The following MTA3 variants were observed in gnomAD, a reference collection of about 807,000 sequenced individuals.
The protein encoded by MTA3 is metastasis-associated protein MTA3.
Under a neutral mutation model 83.5 loss-of-function variants are expected in MTA3, and 34 were observed. The observed-to-expected ratio is 0.41, with a 90% CI of 0.31 to 0.54. The LOEUF is 0.54. Ranked by LOEUF, MTA3 falls within the 20% of genes least tolerant of loss-of-function variation. The pLI is 0.33. For missense variants in MTA3, 761 were observed against 726.4 expected (o/e 1.05, Z -0.55); for synonymous variants, 303 against 252.7 (o/e 1.20, Z -1.89).
rs1435928523 is a variant in MTA3 at position 42,579,142 on chromosome 2, C to T, written c.132C>T (p.Cys44=). 6.2e-7 allele frequency: 1 copy of T among 1,608,222 alleles called. No individual in the cohort carries two copies. Among genetic ancestry groups the T allele is most frequent in the Non-Finnish European group, 8.5e-7 (1 of 1,177,528 alleles). ...ASGNVEAKVV[C]FYRRRDISNT... ...GCAACGTGGAAGCAAAAGTAGTATGCTTTTATAGACGACGTGATATTTCCA... is the reference window on the plus strand; with the variant it reads ...GCAACGTGGAAGCAAAAGTAGTATGTTTTTATAGACGACGTGATATTTCCA... The change falls in exon 3 of 17, where the codon TGC becomes TGT. Residue 44 remains cysteine (C), a synonymous_variant. Transcript: ENST00000405094.
chr2:42,546,406 G>C (rs2103759538), intron 2 of MTA3, among the ~76,000 whole-genome samples: 1 of 152,240 alleles, frequency 6.6e-6, no homozygotes, highest in South Asian at 2.1e-4. Context: ...CTGACCCTGA[G>C]TGTCCCTGGA....
chr2:42,744,602 TTGAGAGCTAGGTC>T (rs964325876), intron 16 of MTA3, among the ~76,000 whole-genome samples: 8 of 151,426 alleles, frequency 5.3e-5, no homozygotes, highest in Non-Finnish European at 1.0e-4. Context: ...TAGCTCTGAC[TTGAGAGCTAGGTC>T]TGAGAGCTAG....
At chr2:42,736,081 G>T (rs1016002152) in intron 16 of MTA3, among the ~76,000 whole-genome samples, 1 of 152,114 alleles carries the variant, frequency 6.6e-6, no homozygotes, top group African/African-American at 2.4e-5. Flanking sequence ...CATCCTTCTT[G>T]GGAAGGCTTT....
At chr2:42,699,544 T>C (rs1488840248) in intron 11 of MTA3, among the ~76,000 whole-genome samples, 1 of 152,192 alleles carries the variant, frequency 6.6e-6, no homozygotes, top group Non-Finnish European at 1.5e-5. Flanking sequence ...GGACCAGTTA[T>C]GAAGTTCTTG....
intron 16 of MTA3, among the ~76,000 whole-genome samples, chr2:42,724,001 G>C (rs1443997888): frequency 1.3e-5 from 2 of 152,030 alleles, no homozygotes; most frequent in Non-Finnish European, 2.9e-5. Context: ...GTTAAGATAT[G>C]GTTGTCAAGA....
intron 2 of MTA3, among the ~76,000 whole-genome samples, chr2:42,534,852 A>G (rs928416612): frequency 6.6e-6 from 1 of 151,938 alleles, no homozygotes; most frequent in Non-Finnish European, 1.5e-5. Context: ...TTGAATCCTG[A>G]GCTCAAGTGA....
chr2:42,708,177 T>C, intron 13 of MTA3, 123 bp downstream of exon 13: 1 of 985,848 alleles, frequency 1.0e-6, no homozygotes, highest in Non-Finnish European at 1.4e-6. Flanking sequence ...TAGCTAAACG[T>C]AGCACTACAA....
intron 2 of MTA3, among the ~76,000 whole-genome samples, chr2:42,548,912 C>T (rs1471046337): frequency 1.1e-4 from 12 of 104,774 alleles, no homozygotes; most frequent in Non-Finnish European, 1.8e-4. Flanking sequence ...CGGTGGCTCA[C>T]GCCTGTAATC....
intron 8 of MTA3, among the ~76,000 whole-genome samples, chr2:42,667,578 G>GTGTGTGTGTGTGTGTGTGTGTGTT (rs1690358093): frequency 3.9e-5 from 5 of 129,812 alleles, no homozygotes; most frequent in Non-Finnish European, 8.4e-5. Context: ...AATTGTGTGT[G>GTGTGTGTGTGTGTGTGTGTGTGTT]TGTGTGTGTG....
chr2:42,606,545 C>A (rs1315748372), intron 3 of MTA3, among the ~76,000 whole-genome samples: 1 of 148,078 alleles, frequency 6.8e-6, no homozygotes, highest in South Asian at 2.2e-4. Context: ...AGGCGCTCCT[C>A]ACTTCCTAGA....
At chr2:42,554,951 G>T (rs1677305320) in intron 2 of MTA3, among the ~76,000 whole-genome samples, 1 of 152,124 alleles carries the variant, frequency 6.6e-6, no homozygotes, top group East Asian at 1.9e-4. Context: ...AGGAGTTTGA[G>T]ACCAGCTTGG....
At chr2:42,690,138 G>T (rs911431062) in intron 9 of MTA3, among the ~76,000 whole-genome samples, 1 of 152,196 alleles carries the variant, frequency 6.6e-6, no homozygotes, top group African/African-American at 2.4e-5. Flanking sequence ...CTGCACTCCA[G>T]CCTGGGCAGC....
intron 4 of MTA3, among the ~76,000 whole-genome samples, chr2:42,610,450 C>G (rs2104091725): frequency 6.6e-6 from 1 of 152,266 alleles, no homozygotes; most frequent in African/African-American, 2.4e-5. Context: ...TGGGCGATAT[C>G]TCTGGTTCTC....
At chr2:42,672,158 A>G (rs935401124) in intron 8 of MTA3, among the ~76,000 whole-genome samples, 1 of 152,132 alleles carries the variant, frequency 6.6e-6, no homozygotes, top group African/African-American at 2.4e-5. Context: ...ATCTGGGGAC[A>G]TGGGGTCACT....
At chr2:42,686,584 G>A (rs886426124) in intron 9 of MTA3, among the ~76,000 whole-genome samples, 8 of 151,786 alleles carry the variant, frequency 5.3e-5, no homozygotes, top group Admixed American at 1.3e-4. Flanking sequence ...CAACACTTTG[G>A]GAGGCCGAGG....
Position 42,756,576 on chromosome 2 carries a change from T to C in MTA3, c.*3177T>C, listed in dbSNP as rs563475254. 80 of 985,572 alleles carry C rather than the reference T, an allele frequency of 8.1e-5. No individual in the cohort carries two copies. The African/African-American group carries it at 1.4e-3, about 17-fold the overall frequency. The allele number at this position is 985,572 out of a possible 1,614,324, so 61.1% of individuals were successfully genotyped here. A position where few individuals can be genotyped will look rare whatever the true frequency, so the allele number is the denominator to read the frequency against. ...GAGGGGAGGTGGAGGAGCTGCCCCG[T>C]GGGTGTTTGGAGATTCTGTTTTACT... On this transcript the variant is annotated 3_prime_UTR_variant, in exon 17 of 17. Transcript: ENST00000405094.
chr2:42,689,772 TC>T (rs1439022317), intron 9 of MTA3, among the ~76,000 whole-genome samples: 1 of 150,978 alleles, frequency 6.6e-6, no homozygotes, highest in Non-Finnish European at 1.5e-5. Flanking sequence ...ATAATTTGTG[TC>T]TTTTTTTTTT....
intron 2 of MTA3, among the ~76,000 whole-genome samples, chr2:42,558,889 A>G (rs1217419364): frequency 2.0e-5 from 3 of 151,564 alleles, no homozygotes; most frequent in Non-Finnish European, 2.9e-5. Flanking sequence ...GGACTACTCC[A>G]AACTAATTAA....
chr2:42,606,575 A>T, intron 3 of MTA3, among the ~76,000 whole-genome samples: 1 of 138,916 alleles, frequency 7.2e-6, no homozygotes, highest in Non-Finnish European at 1.5e-5. Context: ...GGCCGGGCGG[A>T]GACGCTCCTC....
Sources: gnomAD v4.1 joint callset for allele counts (sites outside exome capture counted in the v4.1 genomes callset) on GRCh38, gnomAD v4.1.1 for gene constraint, MANE v1.5 for transcripts, NCBI Gene and HGNC (gene_info 2026-07-23, HGNC 2026-07-21) for gene names.